Variants in PLCXD1 observed in about 807,000 individuals in gnomAD.
The protein encoded by PLCXD1 is phosphatidylinositol specific phospholipase C X domain containing 1.
A neutral mutation model predicts 37.8 loss-of-function variants in PLCXD1; 45 were observed. The ratio of observed to expected loss-of-function variants is 1.19; its 90% CI spans 0.94 to 1.53. The LOEUF is 1.53. Among genes scored for constraint, PLCXD1 ranks in the 40% most tolerant of loss-of-function variants. The probability of loss-of-function intolerance (pLI) is 0.00; values close to 1 mark genes in which losing one functional copy is unlikely to be tolerated. For missense variants in PLCXD1, 539 were observed against 454.7 expected (o/e 1.19, Z -1.69); for synonymous variants, 246 against 206.9 (o/e 1.19, Z -1.62).
intron 2 of PLCXD1, 36 bp from the exon 3 acceptor site, chrX:288,697 C>T (rs199727963): frequency 5.9e-5 from 95 of 1,611,838 alleles, no homozygotes; most frequent in South Asian, 1.8e-4. Context: ...GGGACGGACT[C>T]GTGGTGACAT....
In PLCXD1 at chrX:288,887, T is replaced by A. The variant is rs1279161480; in HGVS notation, c.264+18T>A. ...TCACCCAGGTACGGTCTGTGCCCCG[T>A]GCTGCTGACCTGGCCTGTCAGCTAT... is the stretch of plus-strand genomic sequence containing the variant. On this transcript the variant is annotated intron_variant, in intron 3 of 6. Coordinates refer to ENST00000381657, the MANE Select transcript of PLCXD1 (RefSeq NM_018390.4). 6.2e-7 allele frequency: 1 copy of A among 1,610,748 alleles called. No homozygotes were observed. Among genetic ancestry groups the A allele is most frequent in the African/African-American group, 1.3e-5 (1 of 74,824 alleles).
At chrX:288,953 C>A (rs1183006235) in intron 3 of PLCXD1, 84 bp downstream of exon 3, 2 of 1,373,260 alleles carry the variant, frequency 1.5e-6, no homozygotes, top group African/African-American at 1.4e-5. Context: ...GGCCCCTCAC[C>A]CAGGTAGGGT....
At chrX:277,159 G>A (rs958434386), upstream of PLCXD1, among the ~76,000 whole-genome samples, 1 of 151,868 alleles carries the variant, frequency 6.6e-6, no homozygotes, top group Non-Finnish European at 1.5e-5. Context: ...GCTCCTTCCT[G>A]CTCCACTTTG....
chrX:283,902 A>G (rs1453774297), intron 1 of PLCXD1: 2 of 273,268 alleles, frequency 7.3e-6, no homozygotes, highest in South Asian at 9.2e-5. Flanking sequence ...TTTTTTGGAT[A>G]TGGAGTTTCA....
intron 2 of PLCXD1, among the ~76,000 whole-genome samples, chrX:284,812 C>A (rs1239086208): frequency 1.3e-5 from 2 of 152,194 alleles, no homozygotes; most frequent in South Asian, 4.1e-4. Context: ...ACAATCACGG[C>A]AGAAGGTGAA....
Position 302,967 on chromosome X carries a change from C to T in PLCXD1, c.*3632C>T, listed in dbSNP as rs1406114502. On this transcript the variant is annotated 3_prime_UTR_variant, in exon 7 of 7. Coordinates refer to ENST00000381657, the MANE Select transcript of PLCXD1 (RefSeq NM_018390.4). Reference sequence around the variant, plus strand: ...CAGCACCATTTTTACTCCCCTTTCCCAAGCAAATCGTGCATTTTTGTCTAA... The same window carrying T: ...CAGCACCATTTTTACTCCCCTTTCCTAAGCAAATCGTGCATTTTTGTCTAA... The T allele has an allele frequency of 6.6e-6, 1 of 151,766 alleles. No homozygotes were observed. The highest frequency in any genetic ancestry group is 1.5e-5 in the Non-Finnish European group (1 of 68,046). 9.4% of individuals were successfully genotyped at this position (151,766 alleles called of 1,614,324 possible).
intron 2 of PLCXD1, 138 bp from the exon 3 acceptor site, chrX:288,595 G>T: frequency 1.1e-6 from 1 of 895,316 alleles, no homozygotes; most frequent in Non-Finnish European, 1.8e-6. Context: ...GGGGGTCAGC[G>T]TGCACCCCTC....
chrX:283,518 A>G (rs28811324), intron 1 of PLCXD1: 84,504 of 139,002 alleles, frequency 0.61, 25,851 homozygotes, highest in East Asian at 0.73. Flanking sequence ...CACACGCCTG[A>G]GGGTAGTGGG....
chrX:284,078 A>G, intron 1 of PLCXD1, 89 bp from the exon 2 acceptor site: 3 of 997,260 alleles, frequency 3.0e-6, no homozygotes, highest in East Asian at 2.4e-5. Context: ...TTTAGTAGAG[A>G]TGGGGTTTTG....
At chrX:279,413 T>C (rs1308833984), upstream of PLCXD1, among the ~76,000 whole-genome samples, 2 of 152,084 alleles carry the variant, frequency 1.3e-5, no homozygotes, top group Non-Finnish European at 2.9e-5. Flanking sequence ...GCTCCACTGG[T>C]GGTGAGGCGG....
At position 296,872 on chromosome X, in the gene PLCXD1, ATTCTGTCTCCC is replaced by A. The variant is rs1297315436; in HGVS notation, c.734-2224_734-2214del. Among the ~76,000 whole-genome samples the A allele has an allele frequency of 5.4e-5, 8 of 149,434 alleles. No homozygotes were observed. In the South Asian group the frequency reaches 1.1e-3, roughly 20 times the overall value. On this transcript the variant is annotated intron_variant, in intron 6 of 6. Transcript: ENST00000381657. The stretch of plus-strand genomic sequence containing the variant: ...GGACGTGGACATCTTTGGGGACATT[ATTCTGTCTCCC>A]ACATGGGGATTAGGACGTGGACATC...
chrX:279,752 C>A (rs1276512169), upstream of PLCXD1, among the ~76,000 whole-genome samples: 1 of 146,818 alleles, frequency 6.8e-6, no homozygotes, highest in African/African-American at 2.6e-5. Flanking sequence ...CCAGTCTGCG[C>A]AACAGAGCGA....
At chrX:284,477 A>T (rs1427406634) in intron 2 of PLCXD1, among the ~76,000 whole-genome samples, 163 bp downstream of exon 2, 1 of 151,670 alleles carries the variant, frequency 6.6e-6, no homozygotes, top group Non-Finnish European at 1.5e-5. Flanking sequence ...ACACACATAC[A>T]CACAGTGCAC....
At chrX:287,122 G>T (rs1470817948) in intron 2 of PLCXD1, among the ~76,000 whole-genome samples, 1 of 151,834 alleles carries the variant, frequency 6.6e-6, no homozygotes, top group Non-Finnish European at 1.5e-5. Context: ...TTAGGAGTTT[G>T]AGAGCAGCCT....
chrX:284,535 TGCATACACACAG>T (rs1420892346), intron 2 of PLCXD1, among the ~76,000 whole-genome samples: 49 of 152,284 alleles, frequency 3.2e-4, no homozygotes, highest in African/African-American at 1.2e-3. Flanking sequence ...TGCACAGACA[TGCATACACACAG>T]GCATGCACAC....
At chrX:291,450 C>A in intron 4 of PLCXD1, 49 bp from the exon 5 acceptor site, 1 of 1,600,562 alleles carries the variant, frequency 6.2e-7, no homozygotes, top group Non-Finnish European at 8.5e-7. Context: ...CCCGCCTTCC[C>A]TGTGGTGTTG....
chrX:288,670 A>T, intron 2 of PLCXD1, 63 bp from the exon 3 acceptor site: 2 of 1,575,794 alleles, frequency 1.3e-6, no homozygotes, highest in Non-Finnish European at 1.7e-6. Flanking sequence ...CTGTGGAGCG[A>T]CTCACAGCAG....
In PLCXD1 at chrX:288,318, GAGT is replaced by G. The variant is rs1374150831; in HGVS notation, c.128-414_128-412del. ...TATTCAGTTCCTTCTAGAGGCTCTA[GAGT>G]GGGGGATCCTTCCTGCCTCTCCCAG... On this transcript the variant is annotated intron_variant, in intron 2 of 6. Transcript: ENST00000381657. 3.4e-5 allele frequency among the ~76,000 whole-genome samples: 5 copies of G among 145,288 alleles called. No homozygotes were observed. The East Asian group carries it at 6.4e-4, about 19-fold the overall frequency.
chrX:284,362 G>T, intron 2 of PLCXD1, 48 bp downstream of exon 2: 4 of 1,605,968 alleles, frequency 2.5e-6, no homozygotes, highest in Non-Finnish European at 3.4e-6. Flanking sequence ...CCAGGTGACG[G>T]CAGGGTGGGG....
Sources: gnomAD v4.1 joint callset for allele counts (sites outside exome capture counted in the v4.1 genomes callset) on GRCh38, gnomAD v4.1.1 for gene constraint, MANE v1.5 for transcripts, NCBI Gene and HGNC (gene_info 2026-07-23, HGNC 2026-07-21) for gene names.